TMEM67: variants seen among roughly 807,000 people sequenced by gnomAD.
TMEM67 encodes transmembrane protein 67, also known as meckelin.
Under a neutral mutation model 136.6 loss-of-function variants are expected in TMEM67, and 124 were observed. The observed-to-expected ratio is 0.91, with a 90% CI of 0.78 to 1.05. The LOEUF is 1.05. Ranked by LOEUF, TMEM67 falls within the 50% of genes least tolerant of loss-of-function variation. TMEM67 has a pLI of 0.00. For missense variants in TMEM67, 1,107 were observed against 1,178.4 expected (o/e 0.94, Z 0.89); for synonymous variants, 364 against 390.5 (o/e 0.93, Z 0.80).
intron 7 of TMEM67, among the ~76,000 whole-genome samples, chr8:93,773,838 C>T (rs1381529073): frequency 6.6e-6 from 1 of 151,978 alleles, no homozygotes; most frequent in Non-Finnish European, 1.5e-5. Flanking sequence ...TAATGTCATG[C>T]TATGAGTTTT....
In TMEM67 at chr8:93,763,926, A is replaced by G. The variant is rs372491117; in HGVS notation, c.491A>G (p.Asn164Ser). Residue 164 changes from asparagine (N) to serine (S), a missense_variant, in exon 4 of 28, where the codon AAT becomes AGT. By Grantham distance (46) the Asn-to-Ser change is conservative. Transcript: ENST00000453321. ...DGNENSFMVV[N>S]ALGDRCVRCE... The stretch of plus-strand genomic sequence containing the variant: ...AATGAAAACTCTTTTATGGTAGTAA[A>G]TGCTTTAGGAGACAGGTAAGCAGTG... 3 of 1,612,350 alleles carry G rather than the reference A, an allele frequency of 1.9e-6. No homozygotes were observed. In the African/African-American group the frequency reaches 4.0e-5, roughly 22 times the overall value.
chr8:93,808,956 G>A lies in TMEM67; in HGVS notation c.2556G>A (p.Arg852=). The A allele has an allele frequency of 3.2e-6, 5 of 1,580,482 alleles. No individual in the cohort carries two copies. The highest frequency in any genetic ancestry group is 4.3e-6 in the Non-Finnish European group (5 of 1,149,852). The change falls in exon 24 of 28, where the codon AGG becomes AGA. Residue 852 remains arginine (R), a splice_region_variant and synonymous_variant. Transcript: ENST00000453321. ...ACAGAATTCATGAGACACTAATAAGGGTTTGTATAAAGTACAGTTCAGATA... is the reference window on the plus strand; with the variant it reads ...ACAGAATTCATGAGACACTAATAAGAGTTTGTATAAAGTACAGTTCAGATA... ...HYDRIHETLI[R]KNGPARLLSS...
intron 27 of TMEM67, among the ~76,000 whole-genome samples, chr8:93,815,859 G>A (rs1808887149): frequency 1.4e-5 from 2 of 147,902 alleles, no homozygotes; most frequent in Admixed American, 1.4e-4. Context: ...TCCCCCACCT[G>A]TGTGGATAAA....
intron 6 of TMEM67, 126 bp downstream of exon 6, chr8:93,765,772 T>G (rs1448985303): frequency 6.9e-6 from 5 of 720,852 alleles, no homozygotes; most frequent in Non-Finnish European, 1.3e-5. Context: ...AAAATCAATC[T>G]AAGAAACATT....
chr8:93,797,030 A>G (rs1220962699), intron 18 of TMEM67, 104 bp from the exon 19 acceptor site: 7 of 737,138 alleles, frequency 9.5e-6, no homozygotes, highest in Admixed American at 3.9e-5. Flanking sequence ...ATAAAATTAT[A>G]TGTTCTTGTG....
intron 6 of TMEM67, among the ~76,000 whole-genome samples, chr8:93,767,478 A>C (rs889962468): frequency 2.0e-5 from 3 of 152,206 alleles, no homozygotes; most frequent in African/African-American, 7.2e-5. Context: ...ATGGTTGCCA[A>C]AGGTTAATTT....
rs1813374806 is a variant in TMEM67 at position 93,772,615 on chromosome 8, T to G, written c.678T>G (p.Phe226Leu). ...GCATGTCTTTAACTTCAGAATGGTT[T>G]GCAAAGTATTTGCAATCATCAGCAG... is the stretch of plus-strand genomic sequence containing the variant. ...EVGMSLTSEW[F>L]AKYLQSSAAA... The change falls in exon 7 of 28, where the codon TTT becomes TTG. Residue 226 changes from phenylalanine (F) to leucine (L), a missense_variant. By Grantham distance (22) the Phe-to-Leu change is conservative. Transcript: ENST00000453321. 1 of 1,612,942 alleles carries G rather than the reference T, an allele frequency of 6.2e-7. No individual in the cohort carries two copies. Among genetic ancestry groups the G allele is most frequent in the Non-Finnish European group, 8.5e-7 (1 of 1,179,440 alleles).
Position 93,786,230 on chromosome 8 carries a change from C to T in TMEM67, c.1296C>T (p.Asn432=), listed in dbSNP as rs2130690600. The T allele has an allele frequency of 1.2e-6, 2 of 1,613,878 alleles. No individual in the cohort carries two copies. The highest frequency in any genetic ancestry group is 1.1e-5 in the South Asian group (1 of 91,052). ...TTCTTTTTATAATAAAAGACAGCAACTCTGGAAAGTGGCTTCTAACTCGGC... is the reference window on the plus strand; with the variant it reads ...TTCTTTTTATAATAAAAGACAGCAATTCTGGAAAGTGGCTTCTAACTCGGC... ...HNKIFVNQDS[N]SGKWLLTRRI... is the part of the protein sequence containing the mutation. Residue 432 remains asparagine (N), a synonymous_variant, in exon 13 of 28, where the codon AAC becomes AAT. Coordinates refer to ENST00000453321, the MANE Select transcript of TMEM67 (RefSeq NM_153704.6).
chr8:93,802,459 C>T (rs1586078689), intron 21 of TMEM67, among the ~76,000 whole-genome samples: 1 of 152,236 alleles, frequency 6.6e-6, no homozygotes, highest in Non-Finnish European at 1.5e-5. Context: ...ACCTAGCAAT[C>T]TCAGACACCA....
chr8:93,814,794 A>C (rs1229205441), intron 26 of TMEM67, among the ~76,000 whole-genome samples: 1 of 151,726 alleles, frequency 6.6e-6, no homozygotes, highest in South Asian at 2.1e-4. Context: ...GCCTCATCAT[A>C]ATCTTTTTAA....
intron 25 of TMEM67, among the ~76,000 whole-genome samples, chr8:93,809,479 A>C (rs1434183935): frequency 6.6e-6 from 1 of 152,162 alleles, no homozygotes; most frequent in Non-Finnish European, 1.5e-5. Context: ...CCAGTTACCA[A>C]AATATTACTG....
intron 14 of TMEM67, among the ~76,000 whole-genome samples, chr8:93,790,379 C>G (rs1814323100): frequency 6.6e-6 from 1 of 152,200 alleles, no homozygotes; most frequent in African/African-American, 2.4e-5. Context: ...AACTAATCTT[C>G]TATCTAAACT....
downstream of TMEM67, among the ~76,000 whole-genome samples, chr8:93,821,109 G>T (rs554219400): frequency 6.6e-6 from 1 of 152,132 alleles, no homozygotes; most frequent in Non-Finnish European, 1.5e-5. Flanking sequence ...TAAGGGAAAG[G>T]TGTTTTTTAG....
rs754610363 is a variant in TMEM67, at chr8:93,763,966, T to G, written c.506+25T>G. On this transcript the variant is annotated intron_variant, in intron 4 of 27. Transcript: ENST00000453321. ...GGTAAGCAGTGTGATGGGGGCTAAC[T>G]TCATTAATATCATCTTATATTAGTG... 6.8e-6 allele frequency: 9 copies of G among 1,331,584 alleles called. No individual in the cohort carries two copies. The East Asian group carries it at 1.8e-4, about 27-fold the overall frequency. The allele number at this position is 1,331,584 out of a possible 1,614,324, so 82.5% of individuals were successfully genotyped here.
intron 15 of TMEM67, chr8:93,792,140 G>GTC (rs1028261628): frequency 6.6e-6 from 1 of 152,386 alleles, no homozygotes; most frequent in African/African-American, 2.4e-5. Flanking sequence ...GGGAATACAG[G>GTC]GGTGAGCCAC....
intron 14 of TMEM67, among the ~76,000 whole-genome samples, chr8:93,788,879 G>A (rs1381816147): frequency 6.6e-6 from 1 of 152,200 alleles, no homozygotes; most frequent in African/African-American, 2.4e-5. Context: ...GCACTGCAGA[G>A]AATGAGCCTA....
At chr8:93,788,099 A>G (rs1478657819) in intron 14 of TMEM67, 150 bp downstream of exon 14, 2 of 663,440 alleles carry the variant, frequency 3.0e-6, no homozygotes, top group Non-Finnish European at 5.3e-6. Flanking sequence ...ATTATTCTTT[A>G]CTAATAATGG....
chr8:93,772,541 A>G, intron 6 of TMEM67, 48 bp from the exon 7 acceptor site: 1 of 1,355,736 alleles, frequency 7.4e-7, no homozygotes, highest in East Asian at 2.3e-5. Flanking sequence ...CAATATGCAT[A>G]TTGGAGTCAT....
chr8:93,796,719 C>T (rs1275835554), intron 18 of TMEM67, among the ~76,000 whole-genome samples: 8 of 152,036 alleles, frequency 5.3e-5, no homozygotes, highest in East Asian at 1.9e-4. Context: ...TAAGAGCATT[C>T]GAAAACTTTA....
Sources: allele counts gnomAD v4.1 joint callset (sites outside exome capture counted in the v4.1 genomes callset), GRCh38; gene constraint gnomAD v4.1.1; transcripts MANE v1.5; gene names NCBI Gene and HGNC (gene_info 2026-07-23, HGNC 2026-07-21).